Variants in SCD5 observed in about 807,000 individuals in gnomAD.
SCD5 encodes acyl-CoA-desaturase 4.
A neutral mutation model predicts 30.4 loss-of-function variants in SCD5; 20 were observed. The observed-to-expected ratio is 0.66, with a 90% CI of 0.46 to 0.96. The LOEUF is 0.96. Ranked by LOEUF, SCD5 falls within the 40% of genes least tolerant of loss-of-function variation. The pLI is 0.00. For synonymous variants in SCD5, 173 were observed against 176.4 expected (o/e 0.98, Z 0.16); for missense variants, 381 against 443.3 (o/e 0.86, Z 1.26).
chr4:82,780,848 G>C (rs1416594365), intron 1 of SCD5, among the ~76,000 whole-genome samples: 3 of 152,224 alleles, frequency 2.0e-5, no homozygotes, highest in East Asian at 1.9e-4. Context: ...CTGCTTCTCC[G>C]GGGCCTGCTG....
At chr4:82,744,767 G>A (rs1323072698) in intron 1 of SCD5, among the ~76,000 whole-genome samples, 2 of 151,952 alleles carry the variant, frequency 1.3e-5, no homozygotes, top group Non-Finnish European at 2.9e-5. Flanking sequence ...TCTTCGAGAA[G>A]TTATTGCATA....
chr4:82,648,598 A>C (rs1237616201), intron 3 of SCD5, among the ~76,000 whole-genome samples: 1 of 152,190 alleles, frequency 6.6e-6, no homozygotes, highest in African/African-American at 2.4e-5. Flanking sequence ...ATTATATATG[A>C]GTCAGTTACT....
At chr4:82,720,785 C>T (rs1720354066) in intron 1 of SCD5, among the ~76,000 whole-genome samples, 2 of 152,318 alleles carry the variant, frequency 1.3e-5, no homozygotes, top group East Asian at 3.9e-4. Context: ...TCCCTGGCAG[C>T]AGCCTGCATT....
chr4:82,629,688 T>C lies in SCD5; in HGVS notation c.*1639A>G, dbSNP rs1727248052. On this transcript the variant is annotated 3_prime_UTR_variant, in exon 5 of 5. Transcript: ENST00000319540. ...TTTTCTAAAATTTAAAATTTAACTT[T>C]TAAATCCTACATCTTTTCTGAAAAT... is the stretch of plus-strand genomic sequence containing the variant. 6.6e-6 allele frequency: 1 copy of C among 152,220 alleles called. No homozygotes were observed. The highest frequency in any genetic ancestry group is 2.4e-5 in the African/African-American group (1 of 41,450). 9.4% of individuals were successfully genotyped at this position (152,220 alleles called of 1,614,324 possible).
chr4:82,770,413 G>A (rs1721595244), intron 1 of SCD5, among the ~76,000 whole-genome samples: 1 of 152,180 alleles, frequency 6.6e-6, no homozygotes, highest in Non-Finnish European at 1.5e-5. Context: ...GGGTTGATGA[G>A]TTGCAGCTGA....
chr4:82,712,651 T>C (rs1459323257), intron 1 of SCD5, among the ~76,000 whole-genome samples: 2 of 152,086 alleles, frequency 1.3e-5, no homozygotes, highest in African/African-American at 4.8e-5. Flanking sequence ...TGGCAGGTGC[T>C]GATGCTGCTG....
intron 1 of SCD5, among the ~76,000 whole-genome samples, chr4:82,714,621 G>C (rs1720186061): frequency 1.3e-5 from 2 of 152,194 alleles, no homozygotes; most frequent in South Asian, 4.2e-4. Flanking sequence ...AAAATGAAGG[G>C]AGTAAAACAG....
intron 1 of SCD5, among the ~76,000 whole-genome samples, chr4:82,786,489 G>GT (rs750888936): frequency 6.6e-6 from 1 of 152,168 alleles, no homozygotes; most frequent in Non-Finnish European, 1.5e-5. Flanking sequence ...GATATTTGAT[G>GT]TTTTTTCTCT....
Position 82,687,191 on chromosome 4 carries a change from AAAGAAAGAAAGAAAAG to A in SCD5, c.364-6295_364-6280del. Among the ~76,000 whole-genome samples, 4 of 2,146 alleles carry A rather than the reference AAAGAAAGAAAGAAAAG, an allele frequency of 1.9e-3. No homozygotes were observed. In the East Asian group the frequency reaches 0.11, roughly 60 times the overall value. The allele number at this position is 2,146 out of a possible 152,430, so 1.4% of individuals were successfully genotyped here. A position where few individuals can be genotyped will look rare whatever the true frequency, so the allele number is the denominator to read the frequency against. ...GTTACAAGAAAAAAAAAAAAAAAAG[AAAGAAAGAAAGAAAAG>A]AAAGAAAGAAAGAAGAAAAGTACTT... On this transcript the variant is annotated intron_variant, in intron 2 of 4. Coordinates refer to ENST00000319540, the MANE Select transcript of SCD5 (RefSeq NM_001037582.3).
chr4:82,754,160 C>T (rs558103615), intron 1 of SCD5, among the ~76,000 whole-genome samples: 35 of 152,032 alleles, frequency 2.3e-4, no homozygotes, highest in Non-Finnish European at 3.4e-4. Context: ...CCCCGTTTTG[C>T]AGGAGTTAAG....
chr4:82,681,856 G>A (rs1376300894), intron 2 of SCD5, among the ~76,000 whole-genome samples: 2 of 152,126 alleles, frequency 1.3e-5, no homozygotes, highest in Admixed American at 6.5e-5. Context: ...AGTAGGAATG[G>A]TGCCGGTTCT....
chr4:82,698,075 GC>G (rs1483614432), intron 2 of SCD5: 1 of 456,526 alleles, frequency 2.2e-6, no homozygotes, highest in African/African-American at 2.0e-5. Flanking sequence ...GACCACTTCT[GC>G]TGCTGCCTGT....
chr4:82,782,161 G>GTC (rs1462046042), intron 1 of SCD5, among the ~76,000 whole-genome samples: 2 of 151,022 alleles, frequency 1.3e-5, no homozygotes, highest in African/African-American at 4.9e-5. Context: ...ACTGCACTGT[G>GTC]TCTCCGGCCT....
chr4:82,728,841 G>A (rs193264979), intron 1 of SCD5, among the ~76,000 whole-genome samples: 584 of 152,292 alleles, frequency 3.8e-3, no homozygotes, highest in Non-Finnish European at 5.7e-3. Flanking sequence ...CTGCAATGCC[G>A]TTGTCTCAGT....
chr4:82,730,859 C>T (rs574058242), intron 1 of SCD5, among the ~76,000 whole-genome samples: 1 of 152,310 alleles, frequency 6.6e-6, no homozygotes, highest in East Asian at 1.9e-4. Context: ...GCTGGGATTA[C>T]AGGCGTGAGC....
intron 1 of SCD5, among the ~76,000 whole-genome samples, chr4:82,729,343 A>G (rs1720577021): frequency 6.6e-6 from 1 of 152,102 alleles, no homozygotes; most frequent in Non-Finnish European, 1.5e-5. Flanking sequence ...CTGGAGGAGG[A>G]GGGAGGCTGG....
At chr4:82,765,210 T>C (rs1191181108) in intron 1 of SCD5, among the ~76,000 whole-genome samples, 1 of 152,252 alleles carries the variant, frequency 6.6e-6, no homozygotes, top group Non-Finnish European at 1.5e-5. Context: ...AATTTTTGTA[T>C]GTCTGAAAAG....
chr4:82,715,065 C>T (rs1253741485), intron 1 of SCD5, among the ~76,000 whole-genome samples: 4 of 151,124 alleles, frequency 2.6e-5, no homozygotes, highest in Non-Finnish European at 4.4e-5. Context: ...GATGAAACCC[C>T]GCCTCTACTA....
intron 3 of SCD5, among the ~76,000 whole-genome samples, chr4:82,679,246 A>G (rs35358171): frequency 0.17 from 15,473 of 90,338 alleles, 1,791 homozygotes; most frequent in East Asian, 0.23. Context: ...GAAAGAAAGA[A>G]AGAAAGAAAG....
Sources: gnomAD v4.1 joint callset for allele counts (sites outside exome capture counted in the v4.1 genomes callset) on GRCh38, gnomAD v4.1.1 for gene constraint, MANE v1.5 for transcripts, NCBI Gene and HGNC (gene_info 2026-07-23, HGNC 2026-07-21) for gene names.